The following ZBTB7C variants were observed in gnomAD, a reference collection of about 807,000 sequenced individuals.
ZBTB7C encodes zinc finger and BTB domain containing 7C.
A neutral mutation model predicts 25.7 loss-of-function variants in ZBTB7C; 8 were observed. That is an observed-to-expected ratio of 0.31 (90% CI 0.18 to 0.56). The LOEUF (loss-of-function observed/expected upper bound fraction) is 0.56. Among genes scored for constraint, ZBTB7C ranks in the 20% least tolerant of loss-of-function variants. The probability of loss-of-function intolerance (pLI) is 0.91; values close to 1 mark genes in which losing one functional copy is unlikely to be tolerated. For synonymous variants in ZBTB7C, 394 were observed against 369.0 expected, an observed-to-expected ratio of 1.07 and a Z score of -0.78; for missense variants, 824 against 855.2, an observed-to-expected ratio of 0.96 and a Z score of 0.46.
chr18:48,389,336 C>A (rs1289280338), intron 1 of ZBTB7C, among the ~76,000 whole-genome samples: 1 of 120,702 alleles, frequency 8.3e-6, no homozygotes, highest in African/African-American at 3.3e-5. Flanking sequence ...TATAGGAGAA[C>A]AGGGTGAAGG....
intron 2 of ZBTB7C, among the ~76,000 whole-genome samples, chr18:48,291,208 G>A: frequency 6.6e-6 from 1 of 152,146 alleles, no homozygotes; most frequent in East Asian, 1.9e-4. Context: ...CCATGAAGCA[G>A]CCAAACATTT....
intron 3 of ZBTB7C, among the ~76,000 whole-genome samples, chr18:48,079,206 A>G (rs2037887747): frequency 6.6e-6 from 1 of 152,208 alleles, no homozygotes; most frequent in African/African-American, 2.4e-5. Context: ...ATGCGTCACG[A>G]TATGATGTAT....
At chr18:48,309,146 G>A (rs955729704) in intron 2 of ZBTB7C, among the ~76,000 whole-genome samples, 11 of 152,138 alleles carry the variant, frequency 7.2e-5, no homozygotes, top group African/African-American at 1.9e-4. Context: ...CTGGAGCCCC[G>A]CACTGCTGGA....
In ZBTB7C at chr18:48,367,371, T is replaced by A. The variant is rs11082674; in HGVS notation, c.-303-28973A>T. On this transcript the variant is annotated intron_variant, in intron 1 of 4. Transcript: ENST00000590800. The stretch of plus-strand genomic sequence containing the variant: ...GCATATATATATATATATATATATA[T>A]AAAATACAAACAGAAGACTCTAAAA... Among the ~76,000 whole-genome samples, 277 of 113,358 alleles carry A rather than the reference T, an allele frequency of 2.4e-3. 1 individual carries two copies. The highest frequency in any genetic ancestry group is 3.7e-3 in the African/African-American group (120 of 32,000). The allele number at this position is 113,358 out of a possible 152,430, so 74.4% of individuals were successfully genotyped here.
At chr18:48,204,664 AC>A (rs1282924195) in intron 2 of ZBTB7C, among the ~76,000 whole-genome samples, 1 of 152,108 alleles carries the variant, frequency 6.6e-6, no homozygotes, top group Non-Finnish European at 1.5e-5. Flanking sequence ...CAAAAGAGTC[AC>A]CCAGACTAGG....
intron 3 of ZBTB7C, among the ~76,000 whole-genome samples, chr18:48,099,308 T>C (rs1273743073): frequency 6.6e-6 from 1 of 152,230 alleles, no homozygotes; most frequent in Non-Finnish European, 1.5e-5. Flanking sequence ...ATGTGACGCA[T>C]GTTGTCTCAT....
chr18:48,159,073 A>G (rs575388725), intron 3 of ZBTB7C, among the ~76,000 whole-genome samples: 2 of 151,728 alleles, frequency 1.3e-5, no homozygotes, highest in Non-Finnish European at 1.5e-5. Flanking sequence ...CAGAGAGTCA[A>G]GTCCACTCCT....
chr18:48,239,214 T>C (rs2043459390), intron 2 of ZBTB7C, among the ~76,000 whole-genome samples: 1 of 152,148 alleles, frequency 6.6e-6, no homozygotes, highest in Non-Finnish European at 1.5e-5. Flanking sequence ...CCTCCTCCAC[T>C]TGATGGTCTT....
chr18:48,383,557 C>T (rs1049468121), intron 1 of ZBTB7C, among the ~76,000 whole-genome samples: 1 of 152,144 alleles, frequency 6.6e-6, no homozygotes, highest in African/African-American at 2.4e-5. Context: ...TGTGAGCTAC[C>T]GTGCCTGGCC....
At chr18:48,401,802 C>T (rs1304686231) in intron 1 of ZBTB7C, among the ~76,000 whole-genome samples, 1 of 152,128 alleles carries the variant, frequency 6.6e-6, no homozygotes, top group Non-Finnish European at 1.5e-5. Context: ...TTTCTGTCTC[C>T]AGGGAGTTAA....
At chr18:48,364,450 A>G (rs1239734556) in intron 1 of ZBTB7C, among the ~76,000 whole-genome samples, 1 of 152,148 alleles carries the variant, frequency 6.6e-6, no homozygotes, top group Non-Finnish European at 1.5e-5. Context: ...TGCAAAGAGT[A>G]CAGGAAATTC....
intron 1 of ZBTB7C, among the ~76,000 whole-genome samples, chr18:48,339,179 G>A (rs1311310386): frequency 6.6e-6 from 1 of 152,238 alleles, no homozygotes; most frequent in Non-Finnish European, 1.5e-5. Context: ...GGTGGCTACA[G>A]CCCTGCATCT....
chr18:48,097,163 G>A (rs949732728), intron 3 of ZBTB7C, among the ~76,000 whole-genome samples: 68 of 152,110 alleles, frequency 4.5e-4, no homozygotes, highest in African/African-American at 1.6e-3. Flanking sequence ...TTGGATCAGC[G>A]GTAGGTAACT....
intron 3 of ZBTB7C, among the ~76,000 whole-genome samples, chr18:48,062,556 A>T (rs1006681150): frequency 6.6e-6 from 1 of 152,172 alleles, no homozygotes; most frequent in African/African-American, 2.4e-5. Context: ...ACCTCATTTG[A>T]TCCTTACGCT....
At chr18:48,389,461 ATTTTT>A (rs138527928) in intron 1 of ZBTB7C, among the ~76,000 whole-genome samples, 14 of 97,642 alleles carry the variant, frequency 1.4e-4, no homozygotes, top group African/African-American at 4.4e-4. Flanking sequence ...TGACTCTTGG[ATTTTT>A]TTTTTTTTTT....
intron 1 of ZBTB7C, among the ~76,000 whole-genome samples, chr18:48,354,429 C>T (rs1466172747): frequency 6.6e-6 from 1 of 152,148 alleles, no homozygotes; most frequent in African/African-American, 2.4e-5. Flanking sequence ...GCACGAACAT[C>T]GTTCTCACAG....
At chr18:48,200,590 C>A (rs1262544244) in intron 2 of ZBTB7C, among the ~76,000 whole-genome samples, 2 of 152,182 alleles carry the variant, frequency 1.3e-5, no homozygotes, top group Non-Finnish European at 2.9e-5. Flanking sequence ...GAAAATCCAC[C>A]TAGTCATGAG....
At chr18:48,278,157 T>C (rs1191660967) in intron 2 of ZBTB7C, among the ~76,000 whole-genome samples, 2 of 152,234 alleles carry the variant, frequency 1.3e-5, no homozygotes, top group African/African-American at 4.8e-5. Context: ...GGGCTTGACG[T>C]GATCTTGCAG....
At chr18:48,337,262 G>C (rs191514516) in intron 2 of ZBTB7C, among the ~76,000 whole-genome samples, 1 of 152,160 alleles carries the variant, frequency 6.6e-6, no homozygotes, top group Non-Finnish European at 1.5e-5. Context: ...CCTTGCCTTG[G>C]TCAGTTTCCC....
Sources: allele counts gnomAD v4.1 joint callset (sites outside exome capture counted in the v4.1 genomes callset), GRCh38; gene constraint gnomAD v4.1.1; transcripts MANE v1.5; gene names NCBI Gene and HGNC (gene_info 2026-07-23, HGNC 2026-07-21).